C10orf90: variants seen among roughly 807,000 people sequenced by gnomAD.
C10orf90 encodes the protein chromosome 10 open reading frame 90.
A neutral mutation model predicts 62.5 loss-of-function variants in C10orf90; 56 were observed. The observed-to-expected ratio is 0.90, with a 90% CI of 0.72 to 1.12. The LOEUF is 1.12. Ranked by LOEUF, C10orf90 falls within the 50% of genes most tolerant of loss-of-function variation. The pLI, the probability that C10orf90 is intolerant of heterozygous loss-of-function variation, is 0.00. For synonymous variants in C10orf90, 386 were observed against 340.4 expected (o/e 1.13, Z -1.47); for missense variants, 970 against 880.4 (o/e 1.10, Z -1.29).
intron 2 of C10orf90, chr10:126,524,696 G>A: frequency 4.1e-6 from 4 of 986,076 alleles, no homozygotes; most frequent in Non-Finnish European, 4.8e-6. Flanking sequence ...CCTCCTCTGG[G>A]CTCATCTTCC....
chr10:126,543,728 G>A (rs1365724375), intron 2 of C10orf90, among the ~76,000 whole-genome samples: 2 of 152,184 alleles, frequency 1.3e-5, no homozygotes, highest in African/African-American at 4.8e-5. Flanking sequence ...AGAGTTTCCT[G>A]TGTTTGTTCT....
chr10:126,456,327 T>C lies in C10orf90; in HGVS notation c.2188+2713A>G, dbSNP rs1236465653. ...AGTAAAGCTCTCATCGACACATAAA[T>C]ACGGCAGGGATGGTCAGGGTGGCCA... On this transcript the variant is annotated intron_variant, in intron 7 of 9. Transcript: ENST00000488181. This position sits in a 1 kb window ranked among gnomAD's most constrained non-coding sequence, Gnocchi z 4.9. 6.6e-6 allele frequency among the ~76,000 whole-genome samples: 1 copy of C among 152,100 alleles called. No individual in the cohort carries two copies. Among genetic ancestry groups the C allele is most frequent in the Non-Finnish European group, 1.5e-5 (1 of 68,030 alleles).
At chr10:126,445,886 G>GATGAAATT (rs1365395706) in intron 7 of C10orf90, among the ~76,000 whole-genome samples, 9 of 150,868 alleles carry the variant, frequency 6.0e-5, no homozygotes, top group African/African-American at 2.2e-4. Flanking sequence ...CAGTGACCTG[G>GATGAAATT]ATGAAATTGG....
At chr10:126,542,581 T>C (rs1339701420) in intron 2 of C10orf90, among the ~76,000 whole-genome samples, 1 of 152,222 alleles carries the variant, frequency 6.6e-6, no homozygotes, top group Non-Finnish European at 1.5e-5. Flanking sequence ...TTGCATAGCA[T>C]TGCAAATGCA....
intron 3 of C10orf90, among the ~76,000 whole-genome samples, chr10:126,507,559 C>G (rs961426884): frequency 2.6e-5 from 4 of 151,682 alleles, no homozygotes; most frequent in African/African-American, 9.7e-5. Flanking sequence ...ACTTTCAGCC[C>G]TCTCTTTTAG....
At chr10:126,426,137 C>T in intron 8 of C10orf90, 47 bp from the exon 9 acceptor site, 1 of 1,463,956 alleles carries the variant, frequency 6.8e-7, no homozygotes, top group Non-Finnish European at 9.6e-7. Context: ...TGACAGCGTG[C>T]TCCCGCTGTG....
intron 4 of C10orf90, among the ~76,000 whole-genome samples, chr10:126,498,526 T>C (rs922017146): frequency 1.3e-5 from 2 of 152,156 alleles, no homozygotes; most frequent in Non-Finnish European, 2.9e-5. Flanking sequence ...TTTCAGAGCA[T>C]TATGGAGTCA....
At chr10:126,499,432 C>T (rs757763664) in intron 4 of C10orf90, among the ~76,000 whole-genome samples, 2 of 152,202 alleles carry the variant, frequency 1.3e-5, no homozygotes, top group African/African-American at 4.8e-5. Flanking sequence ...AAAAAAATCA[C>T]ATTTGTAAAA....
chr10:126,630,086 A>T (rs1180990200), intron 2 of C10orf90, among the ~76,000 whole-genome samples: 1 of 152,256 alleles, frequency 6.6e-6, no homozygotes, highest in African/African-American at 2.4e-5. Flanking sequence ...TGTGCACTGC[A>T]TGCAAGGCCT....
intron 2 of C10orf90, among the ~76,000 whole-genome samples, chr10:126,546,101 C>T (rs1444490129): frequency 2.0e-5 from 3 of 151,652 alleles, no homozygotes; most frequent in Non-Finnish European, 2.9e-5. Context: ...GGGCCAAAGA[C>T]AGAAAAAACC....
intron 2 of C10orf90, among the ~76,000 whole-genome samples, chr10:126,593,698 CA>C (rs1394212813): frequency 4.0e-5 from 6 of 151,856 alleles, no homozygotes; most frequent in African/African-American, 1.5e-4. Context: ...CTCAAAGTTG[CA>C]GGAAAAAAAA....
chr10:126,606,468 C>T (rs956211786), intron 2 of C10orf90, among the ~76,000 whole-genome samples: 3 of 152,162 alleles, frequency 2.0e-5, no homozygotes, highest in Non-Finnish European at 4.4e-5. Flanking sequence ...AATGAAGATA[C>T]TATAAGTCGT....
rs563242635 is a variant in C10orf90 at position 126,614,757 on chromosome 10, GA to G, written c.313+31807del. ...GACTCCAAAGGACATCATCCCTTGA[GA>G]AGGCATGACACAGAGTATTAGCTTC... On this transcript the variant is annotated intron_variant, in intron 2 of 9. Coordinates refer to ENST00000488181, the MANE Select transcript of C10orf90 (RefSeq NM_001350921.2). Among the ~76,000 whole-genome samples the G allele has an allele frequency of 7.4e-4, 112 of 152,330 alleles. 1 individual carries two copies. The highest frequency in any genetic ancestry group is 2.5e-3 in the African/African-American group (103 of 41,570).
chr10:126,548,907 G>A (rs1306229298), intron 2 of C10orf90, among the ~76,000 whole-genome samples: 1 of 152,066 alleles, frequency 6.6e-6, no homozygotes, highest in African/African-American at 2.4e-5. Context: ...AGGTGCAAAA[G>A]CAATTCAATG....
intron 2 of C10orf90, among the ~76,000 whole-genome samples, chr10:126,639,410 T>A (rs758193931): frequency 6.6e-5 from 10 of 152,210 alleles, no homozygotes; most frequent in Non-Finnish European, 1.2e-4. Flanking sequence ...GACGCCTGTC[T>A]CTCAGACCTG....
At chr10:126,634,478 C>T (rs1013415729) in intron 2 of C10orf90, among the ~76,000 whole-genome samples, 3 of 152,062 alleles carry the variant, frequency 2.0e-5, no homozygotes, top group African/African-American at 7.2e-5. Flanking sequence ...AACATGAAGA[C>T]TTAATAATCA....
At chr10:126,445,824 T>C (rs1055918771) in intron 7 of C10orf90, among the ~76,000 whole-genome samples, 2 of 133,712 alleles carry the variant, frequency 1.5e-5, no homozygotes, top group African/African-American at 5.5e-5. Context: ...TATATATATA[T>C]ATACAATGGA....
intron 1 of C10orf90, among the ~76,000 whole-genome samples, chr10:126,649,000 A>G (rs569963996): frequency 6.9e-6 from 1 of 145,036 alleles, no homozygotes; most frequent in South Asian, 2.2e-4. Flanking sequence ...TTTGGTTTGG[A>G]TCACAGATGA....
intron 2 of C10orf90, among the ~76,000 whole-genome samples, chr10:126,634,816 A>G (rs1845917142): frequency 6.6e-6 from 1 of 152,186 alleles, no homozygotes; most frequent in African/African-American, 2.4e-5. Flanking sequence ...GGATTTTCCA[A>G]AGCCTCCTAT....
Sources: gnomAD v4.1 joint callset for allele counts (sites outside exome capture counted in the v4.1 genomes callset) on GRCh38, gnomAD v4.1.1 for gene constraint, Gnocchi (gnomAD v3.1) non-coding constraint, MANE v1.5 for transcripts, NCBI Gene and HGNC (gene_info 2026-07-23, HGNC 2026-07-21) for gene names.